SYNPO2: variants seen among roughly 807,000 people sequenced by gnomAD.
The protein encoded by SYNPO2 is synaptopodin 2.
A neutral mutation model predicts 85.0 loss-of-function variants in SYNPO2; 56 were observed. The observed-to-expected ratio is 0.66, with a 90% CI of 0.53 to 0.82. SYNPO2 has a LOEUF of 0.82. Among genes scored for constraint, SYNPO2 ranks in the 40% least tolerant of loss-of-function variants. SYNPO2 has a pLI of 0.00. For missense variants in SYNPO2, 1,575 were observed against 1,534.2 expected (o/e 1.03, Z -0.44); for synonymous variants, 602 against 591.1 (o/e 1.02, Z -0.27).
intron 1 of SYNPO2, among the ~76,000 whole-genome samples, chr4:118,990,081 G>T (rs971086739): frequency 6.6e-6 from 1 of 152,182 alleles, no homozygotes; most frequent in Non-Finnish European, 1.5e-5. Context: ...ACGGAAATGG[G>T]GCTGGCTTTG....
At chr4:118,956,228 T>C (rs1734870639) in intron 1 of SYNPO2, among the ~76,000 whole-genome samples, 2 of 152,118 alleles carry the variant, frequency 1.3e-5, no homozygotes, top group African/African-American at 4.8e-5. Flanking sequence ...TAACATAACC[T>C]TAGGTAATGT....
At chr4:118,880,719 C>T (rs1732069266) in intron 1 of SYNPO2, among the ~76,000 whole-genome samples, 1 of 148,094 alleles carries the variant, frequency 6.8e-6, no homozygotes, top group African/African-American at 2.5e-5. Context: ...TGCACTCCAG[C>T]CTGGGCGACA....
At chr4:118,933,342 C>G (rs2149134139) in intron 1 of SYNPO2, among the ~76,000 whole-genome samples, 2 of 152,298 alleles carry the variant, frequency 1.3e-5, no homozygotes, top group African/African-American at 4.8e-5. Context: ...ACAGGCAAGG[C>G]TGCTCCTGAC....
chr4:119,037,704 G>C (rs1189977934), intron 4 of SYNPO2: 5 of 963,310 alleles, frequency 5.2e-6, no homozygotes, highest in Non-Finnish European at 6.2e-6. Context: ...TTTTACATAA[G>C]TTTTGATAAT....
chr4:119,018,330 T>C (rs778108994), intron 1 of SYNPO2, among the ~76,000 whole-genome samples: 1 of 152,194 alleles, frequency 6.6e-6, no homozygotes, highest in Non-Finnish European at 1.5e-5. Context: ...CCGCTTTTTC[T>C]TTATCCACTC....
intron 4 of SYNPO2, among the ~76,000 whole-genome samples, chr4:119,048,755 G>A (rs546482553): frequency 6.6e-6 from 1 of 152,304 alleles, no homozygotes; most frequent in South Asian, 2.1e-4. Context: ...AGGCCAGTGT[G>A]GCTGGAGGAA....
chr4:119,042,784 A>G (rs1423654059), intron 4 of SYNPO2: 1 of 152,224 alleles, frequency 6.6e-6, no homozygotes, highest in African/African-American at 2.4e-5. Context: ...AGGCAGACCC[A>G]CTTGGTGACG....
chr4:118,894,923 A>G (rs956180108), intron 1 of SYNPO2, among the ~76,000 whole-genome samples: 2 of 152,174 alleles, frequency 1.3e-5, no homozygotes, highest in Admixed American at 6.5e-5. Flanking sequence ...TTGCCTAGAA[A>G]TATTAGTTTC....
rs181233770 is a variant in SYNPO2 at position 118,957,731 on chromosome 4, G to A, written c.106-65699G>A. 5.3e-4 allele frequency among the ~76,000 whole-genome samples: 80 copies of A among 152,258 alleles called. 1 individual carries two copies. The highest frequency in any genetic ancestry group is 1.9e-3 in the African/African-American group (77 of 41,558). On this transcript the variant is annotated intron_variant, in intron 1 of 4. Transcript: ENST00000307142. Reference sequence around the variant, plus strand: ...ACTTGCATCTTCAAACTTCTGCAAAGCTCTTCCATCTCCACTAATACATGT... The same window carrying A: ...ACTTGCATCTTCAAACTTCTGCAAAACTCTTCCATCTCCACTAATACATGT...
At chr4:118,967,586 G>A (rs948251917) in intron 1 of SYNPO2, among the ~76,000 whole-genome samples, 1 of 152,162 alleles carries the variant, frequency 6.6e-6, no homozygotes, top group Non-Finnish European at 1.5e-5. Flanking sequence ...AGTGCAGTGG[G>A]GAAGCCCCAT....
At chr4:118,986,351 A>G (rs1388844018) in intron 1 of SYNPO2, among the ~76,000 whole-genome samples, 4 of 152,216 alleles carry the variant, frequency 2.6e-5, no homozygotes, top group Admixed American at 2.0e-4. Context: ...TTTTCTGCCA[A>G]CTTACTCTTT....
chr4:118,939,934 T>C (rs1734242836), intron 1 of SYNPO2, among the ~76,000 whole-genome samples: 1 of 151,802 alleles, frequency 6.6e-6, no homozygotes, highest in African/African-American at 2.4e-5. Context: ...GGCATTAGAG[T>C]GCCACACACA....
chr4:118,880,554 C>G (rs775579912), intron 1 of SYNPO2, among the ~76,000 whole-genome samples: 1 of 152,016 alleles, frequency 6.6e-6, no homozygotes, highest in Admixed American at 6.5e-5. Flanking sequence ...TCAAGACCAG[C>G]CTGGCCAAGA....
At chr4:118,986,137 C>A (rs2149165462) in intron 1 of SYNPO2, among the ~76,000 whole-genome samples, 1 of 152,328 alleles carries the variant, frequency 6.6e-6, no homozygotes, top group South Asian at 2.1e-4. Context: ...TTTGTTCTCA[C>A]AATTTTAAAT....
At chr4:118,877,484 C>G (rs1398379072) in intron 1 of SYNPO2, among the ~76,000 whole-genome samples, 1 of 152,108 alleles carries the variant, frequency 6.6e-6, no homozygotes, top group Non-Finnish European at 1.5e-5. Context: ...TAATAAGAAT[C>G]TATAAGGAAC....
chr4:118,947,513 C>T (rs896430594), intron 1 of SYNPO2, among the ~76,000 whole-genome samples: 3 of 152,156 alleles, frequency 2.0e-5, no homozygotes, highest in Non-Finnish European at 2.9e-5. Flanking sequence ...TTGATTAAAG[C>T]CACCTGCAAT....
chr4:119,044,162 G>A (rs2149198075), intron 4 of SYNPO2, among the ~76,000 whole-genome samples: 1 of 152,260 alleles, frequency 6.6e-6, no homozygotes, highest in East Asian at 1.9e-4. Context: ...TTATTCTGAA[G>A]AAATGTAACT....
chr4:119,007,283 C>CAT lies in SYNPO2; in HGVS notation c.106-16134_106-16133dup, dbSNP rs1183044902. Reference sequence around the variant, plus strand: ...ATATATATATATATATATGTATATACATATATATATATATGTATATACACG... The same window carrying CAT: ...ATATATATATATATATATGTATATACATATATATATATATATGTATATACACG... On this transcript the variant is annotated intron_variant, in intron 1 of 4. Coordinates refer to ENST00000307142, the MANE Select transcript of SYNPO2 (RefSeq NM_133477.3). Among the ~76,000 whole-genome samples the CAT allele has an allele frequency of 4.4e-3, 173 of 39,758 alleles. 11 individuals carry two copies. The highest frequency in any genetic ancestry group is 0.043 in the East Asian group (56 of 1,304). The allele number at this position is 39,758 out of a possible 152,430, so 26.1% of individuals were successfully genotyped here.
chr4:118,916,639 C>A (rs946246667), intron 1 of SYNPO2, among the ~76,000 whole-genome samples: 2 of 150,746 alleles, frequency 1.3e-5, no homozygotes, highest in African/African-American at 4.9e-5. Context: ...TTATAATAAA[C>A]TTTTTATTCT....
Sources: allele counts gnomAD v4.1 joint callset (sites outside exome capture counted in the v4.1 genomes callset), GRCh38; gene constraint gnomAD v4.1.1; transcripts MANE v1.5; gene names NCBI Gene and HGNC (gene_info 2026-07-23, HGNC 2026-07-21).